The following SRRM1 variants were observed in gnomAD, a reference collection of about 807,000 sequenced individuals.
SRRM1 encodes the protein serine/arginine repetitive matrix protein 1.
Under a neutral mutation model 110.2 loss-of-function variants are expected in SRRM1, and 19 were observed. That is an observed-to-expected ratio of 0.17 (90% CI 0.12 to 0.25). The LOEUF is 0.25. Among genes scored for constraint, SRRM1 ranks in the 10% least tolerant of loss-of-function variants. The probability of loss-of-function intolerance (pLI) is 1.00; values close to 1 mark genes in which losing one functional copy is unlikely to be tolerated. For missense variants in SRRM1, 918 were observed against 1,145.8 expected (o/e 0.80, Z 2.87); for synonymous variants, 443 against 414.9 (o/e 1.07, Z -0.82).
At chr1:24,661,257 A>AT in intron 10 of SRRM1, 53 bp from the exon 11 acceptor site, 1 of 1,430,880 alleles carries the variant, frequency 7.0e-7, no homozygotes, top group Non-Finnish European at 9.7e-7. Flanking sequence ...CAAATTGCAA[A>AT]TTTTCTATAT....
chr1:24,670,982 G>A (rs1672440374), intron 15 of SRRM1, among the ~76,000 whole-genome samples: 1 of 152,232 alleles, frequency 6.6e-6, no homozygotes, highest in Non-Finnish European at 1.5e-5. Context: ...ATACAGGCAT[G>A]TGTTTAGACT....
intron 11 of SRRM1, 49 bp from the exon 12 acceptor site, chr1:24,662,611 G>C (rs769696463): frequency 8.8e-6 from 14 of 1,592,984 alleles, no homozygotes; most frequent in Non-Finnish European, 1.1e-5. Context: ...AACTTGGACA[G>C]ATTCAAGCAC....
chr1:24,669,092 C>G, intron 13 of SRRM1, 31 bp from the exon 14 acceptor site: 1 of 1,580,578 alleles, frequency 6.3e-7, no homozygotes, highest in Non-Finnish European at 8.6e-7. Context: ...TTTGTTGAGC[C>G]TTTCAGCTTA....
chr1:24,665,670 G>A (rs1397824588), intron 12 of SRRM1, among the ~76,000 whole-genome samples: 1 of 152,200 alleles, frequency 6.6e-6, no homozygotes, highest in African/African-American at 2.4e-5. Flanking sequence ...CCCAGATCGT[G>A]CCAGTGCACT....
In SRRM1 at chr1:24,652,379, TAGA is replaced by T. The variant is rs1661471584; in HGVS notation, c.726-52_726-50del. 35 of 1,264,556 alleles carry T rather than the reference TAGA, an allele frequency of 2.8e-5. No individual in the cohort carries two copies. In the South Asian group the frequency reaches 5.2e-4, roughly 19 times the overall value. The allele number at this position is 1,264,556 out of a possible 1,614,324, so 78.3% of individuals were successfully genotyped here. A position where few individuals can be genotyped will look rare whatever the true frequency, so the allele number is the denominator to read the frequency against. Reference sequence around the variant, plus strand: ...TTTATTACATCATTGTGTAATGATTTAGAAGGCTGAGTACAAGAAGGCAAAAAA... The same window carrying T: ...TTTATTACATCATTGTGTAATGATTTAGGCTGAGTACAAGAAGGCAAAAAA... On this transcript the variant is annotated intron_variant, in intron 6 of 16. Transcript: ENST00000323848.
chr1:24,667,062 A>G (rs981389996), intron 13 of SRRM1, 137 bp downstream of exon 13: 1 of 594,766 alleles, frequency 1.7e-6, no homozygotes, highest in Non-Finnish European at 3.0e-6. Flanking sequence ...AAACCCAATC[A>G]TCATGCTTAT....
intron 13 of SRRM1, among the ~76,000 whole-genome samples, chr1:24,668,566 CT>C (rs1242371444): frequency 3.9e-5 from 6 of 152,128 alleles, no homozygotes; most frequent in African/African-American, 1.4e-4. Context: ...GAAAAGTGGC[CT>C]TTTGAGACAG....
At chr1:24,657,178 T>C (rs576207266) in intron 9 of SRRM1, among the ~76,000 whole-genome samples, 47 of 152,270 alleles carry the variant, frequency 3.1e-4, no homozygotes, top group Admixed American at 3.0e-3. Context: ...ACCCCTGGGA[T>C]TACAAGTGTG....
At chr1:24,668,183 G>A (rs918360924) in intron 13 of SRRM1, among the ~76,000 whole-genome samples, 2 of 151,884 alleles carry the variant, frequency 1.3e-5, no homozygotes. Flanking sequence ...TGGTAGCCAG[G>A]CTGGTCTCAA....
chr1:24,670,745 G>C (rs1351826735), intron 15 of SRRM1, among the ~76,000 whole-genome samples: 1 of 152,206 alleles, frequency 6.6e-6, no homozygotes, highest in East Asian at 1.9e-4. Flanking sequence ...TGATCCTCCT[G>C]CTGTGGCCTC....
intron 7 of SRRM1, 134 bp from the exon 8 acceptor site, chr1:24,652,779 T>C: frequency 7.5e-7 from 1 of 1,336,848 alleles, no homozygotes; most frequent in Non-Finnish European, 1.0e-6. Context: ...CTTTTCTGTG[T>C]ACCATAAAAA....
chr1:24,666,969 C>T, intron 13 of SRRM1, 44 bp downstream of exon 13: 3 of 1,210,860 alleles, frequency 2.5e-6, no homozygotes, highest in Non-Finnish European at 3.5e-6. Context: ...CCCAACTCCC[C>T]CCGCCCCTGA....
intron 9 of SRRM1, among the ~76,000 whole-genome samples, chr1:24,655,417 C>T (rs769936689): frequency 2.0e-5 from 3 of 152,072 alleles, no homozygotes; most frequent in Admixed American, 1.3e-4. Context: ...TCAAAGTTTG[C>T]GTTGGCATGA....
chr1:24,643,692 A>T (rs1335757322), intron 1 of SRRM1: 5 of 336,844 alleles, frequency 1.5e-5, no homozygotes, highest in African/African-American at 1.1e-4. Flanking sequence ...GCGGAGCCGG[A>T]GGAGGAAGTC....
rs781031806 is a variant in SRRM1 at position 24,662,666 on chromosome 1, GCTC to G, written c.1503_1505del (p.Ser502del). 1,244 of 1,612,842 alleles carry G rather than the reference GCTC, an allele frequency of 7.7e-4. 3 individuals carry two copies. The highest frequency in any genetic ancestry group is 1.0e-3 in the Non-Finnish European group (1,215 of 1,179,406). On this transcript the variant is annotated inframe_deletion, in exon 12 of 17. Transcript: ENST00000323848. Reference sequence around the variant, plus strand: ...TTTAATTTTGTAATTATAGACTCTGGCTCCTCCTCCTCCTCAGAAGATGAACGA... The same window carrying G: ...TTTAATTTTGTAATTATAGACTCTGGCTCCTCCTCCTCAGAAGATGAACGA...
At chr1:24,645,798 T>TA (rs1329305549) in intron 1 of SRRM1, among the ~76,000 whole-genome samples, 186 bp from the exon 2 acceptor site, 1 of 152,252 alleles carries the variant, frequency 6.6e-6, no homozygotes, top group Non-Finnish European at 1.5e-5. Context: ...CTTGATAATT[T>TA]AAAAATCCAG....
chr1:24,646,868 G>C (rs1427221914), intron 3 of SRRM1, 79 bp downstream of exon 3: 2 of 1,206,988 alleles, frequency 1.7e-6, no homozygotes, highest in African/African-American at 3.2e-5. Context: ...TTTTTCTATG[G>C]AGTGCAAATA....
intron 1 of SRRM1, chr1:24,643,762 A>C: frequency 5.1e-6 from 1 of 195,424 alleles, no homozygotes; most frequent in Non-Finnish European, 1.0e-5. Flanking sequence ...CAGGGAGAAT[A>C]TGGTTTGGGG....
chr1:24,655,081 A>T lies in SRRM1; in HGVS notation c.1267A>T (p.Thr423Ser), dbSNP rs1234187926. The change falls in exon 9 of 17, where the codon ACA (threonine) becomes TCA (serine). Residue 423 changes from threonine to serine, a missense_variant. Transcript: ENST00000323848. ...HSPTPQQSNRTRKSRVSVSPG... is the reference protein window; with the variant it reads ...HSPTPQQSNRSRKSRVSVSPG... The stretch of plus-strand genomic sequence containing the variant: ...CCCTACACCCCAGCAGTCAAACCGT[A>T]CAAGAAAAAGTCGTGTTTCTGTGTC... 1 of 1,614,206 alleles carries T rather than the reference A, an allele frequency of 6.2e-7. No individual in the cohort carries two copies.
Sources: allele counts gnomAD v4.1 joint callset (sites outside exome capture counted in the v4.1 genomes callset), GRCh38; gene constraint gnomAD v4.1.1; transcripts MANE v1.5; gene names NCBI Gene and HGNC (gene_info 2026-07-23, HGNC 2026-07-21).